Variants in LMO4 observed in about 807,000 individuals in gnomAD.
LMO4 encodes LIM domain transcription factor LMO4.
LMO4 carries 3 observed loss-of-function variants against 18.5 expected under a neutral mutation model. The observed-to-expected ratio is 0.16, with a 90% confidence interval of 0.07 to 0.42. LMO4 has a LOEUF of 0.42. Among genes scored for constraint, LMO4 ranks in the 10% least tolerant of loss-of-function variants. The pLI, the probability that LMO4 is intolerant of heterozygous loss-of-function variation, is 0.99. For missense variants in LMO4, 121 were observed against 219.9 expected (o/e 0.55, Z 2.84); for synonymous variants, 100 against 88.1 (o/e 1.14, Z -0.76).
In LMO4 at chr1:87,345,494, A is replaced by C. The variant is rs941603554; in HGVS notation, c.*698A>C. 10 of 151,572 alleles carry C rather than the reference A, an allele frequency of 6.6e-5. No homozygotes were observed. Among genetic ancestry groups the C allele is most frequent in the Non-Finnish European group, 1.5e-4 (10 of 68,032 alleles). The allele number at this position is 151,572 out of a possible 1,614,324, so 9.4% of individuals were successfully genotyped here. The stretch of plus-strand genomic sequence containing the variant: ...TACTTCTAATTTGCTGAATGAAGAA[A>C]AAAAAAAATCTTTTATTTGTGATAT... On this transcript the variant is annotated 3_prime_UTR_variant, in exon 5 of 5. Transcript: ENST00000370544.
intron 4 of LMO4, 152 bp from the exon 5 acceptor site, chr1:87,344,636 G>T: frequency 1.4e-6 from 1 of 726,334 alleles, no homozygotes. Flanking sequence ...GCCAGAGTAA[G>T]TAGCATAGAA....
intron 4 of LMO4, among the ~76,000 whole-genome samples, chr1:87,341,996 GA>G (rs1217492431): frequency 6.6e-6 from 1 of 152,118 alleles, no homozygotes; most frequent in African/African-American, 2.4e-5. Flanking sequence ...TAGCAAAAAA[GA>G]AAAAATATGC....
intron 4 of LMO4, among the ~76,000 whole-genome samples, chr1:87,341,000 A>G (rs536977427): frequency 6.6e-6 from 1 of 152,326 alleles, no homozygotes; most frequent in East Asian, 1.9e-4. Flanking sequence ...TTTTAGATCT[A>G]TTTTAATCTC....
rs573451817 is a variant in LMO4, at chr1:87,338,517, G to C, written c.237-1019G>C. ...GGATATTAAAGAGGGAAGCCCAAAAGCAAATAAAGCTTCCCAGGTTGAGTC... is the reference window on the plus strand; with the variant it reads ...GGATATTAAAGAGGGAAGCCCAAAACCAAATAAAGCTTCCCAGGTTGAGTC... On this transcript the variant is annotated intron_variant, in intron 2 of 4. Transcript: ENST00000370544. Among the ~76,000 whole-genome samples, 13 of 152,322 alleles carry C rather than the reference G, an allele frequency of 8.5e-5. 1 individual carries two copies. The South Asian group carries it at 2.7e-3, about 32-fold the overall frequency.
chr1:87,336,455 G>A (rs1265005788), intron 2 of LMO4, among the ~76,000 whole-genome samples: 2 of 152,186 alleles, frequency 1.3e-5, no homozygotes, highest in Admixed American at 6.5e-5. Context: ...GGTCATTGAA[G>A]TTACTGAAAG....
Position 87,344,932 on chromosome 1 carries a change from T to G in LMO4, c.*136T>G. Reference sequence around the variant, plus strand: ...CTCCATGCCATTGCACCTTCTTTAGTCTTGATTGCCCTTCCCGCATTTATT... The same window carrying G: ...CTCCATGCCATTGCACCTTCTTTAGGCTTGATTGCCCTTCCCGCATTTATT... On this transcript the variant is annotated 3_prime_UTR_variant, in exon 5 of 5. Coordinates refer to ENST00000370544, the MANE Select transcript of LMO4 (RefSeq NM_006769.4). 1.3e-6 allele frequency: 1 copy of G among 792,902 alleles called. No individual in the cohort carries two copies. The highest frequency in any genetic ancestry group is 2.1e-6 in the Non-Finnish European group (1 of 465,596). 49.1% of individuals were successfully genotyped at this position (792,902 alleles called of 1,614,324 possible).
intron 2 of LMO4, among the ~76,000 whole-genome samples, chr1:87,337,204 A>C (rs567845712): frequency 6.6e-6 from 1 of 152,274 alleles, no homozygotes; most frequent in African/African-American, 2.4e-5. Flanking sequence ...TTGTAACTGT[A>C]ATTTTTGGCA....
intron 2 of LMO4, among the ~76,000 whole-genome samples, 154 bp downstream of exon 2, chr1:87,332,405 A>G (rs1650183639): frequency 6.6e-6 from 1 of 152,240 alleles, no homozygotes; most frequent in Admixed American, 6.5e-5. Context: ...GGGTTCAGGA[A>G]GCATGTGTTA....
At chr1:87,335,060 G>A (rs1192387043) in intron 2 of LMO4, among the ~76,000 whole-genome samples, 1 of 151,566 alleles carries the variant, frequency 6.6e-6, no homozygotes, top group East Asian at 1.9e-4. Flanking sequence ...GTAGAGCGGA[G>A]GGGGAGGGTG....
In LMO4 at chr1:87,348,808, G is replaced by C; in HGVS notation, c.*4012G>C. The C allele has an allele frequency of 2.0e-6, 1 of 496,012 alleles. No homozygotes were observed. The highest frequency in any genetic ancestry group is 1.5e-5 in the South Asian group (1 of 68,442). 30.7% of individuals were successfully genotyped at this position (496,012 alleles called of 1,614,324 possible). On this transcript the variant is annotated 3_prime_UTR_variant, in exon 5 of 5. Coordinates refer to ENST00000370544, the MANE Select transcript of LMO4 (RefSeq NM_006769.4). ...AGATTGATTCTGCTGAGAATGGACG[G>C]CAACTCGGAGGCCTCAAGCCAATAA...
rs987502427 is a variant in LMO4 at position 87,332,061 on chromosome 1, G to C, written c.46G>C (p.Gly16Arg). 1.9e-6 allele frequency: 3 copies of C among 1,613,428 alleles called. No individual in the cohort carries two copies. Among genetic ancestry groups the C allele is most frequent in the Non-Finnish European group, 2.5e-6 (3 of 1,179,982 alleles). Residue 16 changes from glycine (G) to arginine (R), a missense_variant, in exon 2 of 5, where the codon GGC (glycine) becomes CGC (arginine). Gly to Arg is a moderately radical substitution (Grantham distance 125). Around this residue, in one of 4 missense-constraint regions of LMO4, gnomAD observed 51 missense variants for 56.8 expected, o/e 0.90. Coordinates refer to ENST00000370544, the MANE Select transcript of LMO4 (RefSeq NM_006769.4). ...CTCGCAGCCGCCCCCGGTGACGGCC[G>C]GCTCCCTCTCCTGGAAGCGGTGCGC... The part of the protein sequence containing the change: ...SSSQPPPVTA[G>R]SLSWKRCAGC...
chr1:87,335,954 GAATT>G, intron 2 of LMO4, among the ~76,000 whole-genome samples: 1 of 150,862 alleles, frequency 6.6e-6, no homozygotes. Flanking sequence ...TGTCATAACA[GAATT>G]AATTCAAGGC....
In LMO4 at chr1:87,340,040, C is replaced by T; in HGVS notation, c.334-7C>T. On this transcript the variant is annotated splice_region_variant and splice_polypyrimidine_tract_variant and intron_variant, in intron 3 of 4. Transcript: ENST00000370544. ...TTGTTTTCAGTGGGTTTGTTTTTCCCTTTCAGTGTTTTACATGCTCTACCT... is the reference window on the plus strand; with the variant it reads ...TTGTTTTCAGTGGGTTTGTTTTTCCTTTTCAGTGTTTTACATGCTCTACCT... The T allele has an allele frequency of 6.2e-7, 1 of 1,607,502 alleles. No individual in the cohort carries two copies.
chr1:87,342,039 C>G (rs1650513796), intron 4 of LMO4, among the ~76,000 whole-genome samples: 1 of 152,224 alleles, frequency 6.6e-6, no homozygotes, highest in South Asian at 2.1e-4. Flanking sequence ...TCTCTCCACT[C>G]CTTCTGATGT....
At position 87,345,100 on chromosome 1, in the gene LMO4, A is replaced by C; in HGVS notation, c.*304A>C. On this transcript the variant is annotated 3_prime_UTR_variant, in exon 5 of 5. Transcript: ENST00000370544. ...CTGGGGGGGAGGGAAATGACTAATG[A>C]AGCTAATTAAAAGAAGCATTCAAAT... 2.8e-6 allele frequency: 1 copy of C among 358,680 alleles called. No individual in the cohort carries two copies. Among genetic ancestry groups the C allele is most frequent in the Non-Finnish European group, 5.0e-6 (1 of 199,810 alleles). The allele number at this position is 358,680 out of a possible 1,614,324, so 22.2% of individuals were successfully genotyped here.
intron 2 of LMO4, among the ~76,000 whole-genome samples, chr1:87,336,972 G>GA (rs201485030): frequency 1.4e-5 from 2 of 145,976 alleles, no homozygotes; most frequent in East Asian, 2.0e-4. Context: ...GAAACGTTGT[G>GA]AAAAAACACA....
chr1:87,344,713 A>G, intron 4 of LMO4, 75 bp from the exon 5 acceptor site: 2 of 1,442,750 alleles, frequency 1.4e-6, no homozygotes, highest in African/African-American at 1.4e-5. Context: ...GGGGAAGACA[A>G]AAGCAGTCAT....
Position 87,332,167 on chromosome 1 carries a change from C to G in LMO4, c.152C>G (p.Ser51Cys). 6.2e-7 allele frequency: 1 copy of G among 1,614,200 alleles called. No homozygotes were observed. Among genetic ancestry groups the G allele is most frequent in the Non-Finnish European group, 8.5e-7 (1 of 1,180,038 alleles). The change falls in exon 2 of 5, where the codon TCC becomes TGC. Residue 51 changes from serine (S) to cysteine (C), a missense_variant. Ser to Cys is a moderately radical substitution (Grantham distance 112). Transcript: ENST00000370544. ...TGGCACAGCCGGTGCCTCAAGTGCT[C>G]CTGCTGCCAGGCGCAGCTGGGCGAC... is the stretch of plus-strand genomic sequence containing the variant. The part of the protein sequence containing the change: ...SYWHSRCLKC[S>C]CCQAQLGDIG...
chr1:87,339,578 G>A lies in LMO4; in HGVS notation c.279G>A (p.Ser93=), dbSNP rs139992275. ...GTGCTTGCAGCGCTTGCGGACAGTC[G>A]ATTCCTGCGAGTGAACTCGTCATGA... The part of the protein sequence containing the change: ...NSGACSACGQ[S]IPASELVMRA... The change falls in exon 3 of 5, where the codon TCG becomes TCA. Residue 93 remains serine (S), a synonymous_variant. Transcript: ENST00000370544. The A allele has an allele frequency of 3.1e-5, 50 of 1,613,926 alleles. No homozygotes were observed. The highest frequency in any genetic ancestry group is 4.4e-5 in the South Asian group (4 of 91,074).
Sources: allele counts gnomAD v4.1 joint callset (sites outside exome capture counted in the v4.1 genomes callset), GRCh38; gene constraint gnomAD v4.1.1; regional missense constraint gnomAD v4.1.1; transcripts MANE v1.5; gene names NCBI Gene and HGNC (gene_info 2026-07-23, HGNC 2026-07-21).